Variants in KRT72 observed in about 807,000 individuals in gnomAD.
KRT72 encodes keratin, type II cytoskeletal 72.
A neutral mutation model predicts 44.7 loss-of-function variants in KRT72; 44 were observed. The ratio of observed to expected loss-of-function variants is 0.98; its 90% CI spans 0.77 to 1.27. The LOEUF (loss-of-function observed/expected upper bound fraction) is 1.27, where lower values mean the gene tolerates loss of function less well. Ranked by LOEUF, KRT72 falls within the 50% of genes most tolerant of loss-of-function variation. The pLI is 0.00. For missense variants in KRT72, 736 were observed against 667.1 expected (o/e 1.10, Z -1.14); for synonymous variants, 302 against 280.4 (o/e 1.08, Z -0.77).
At chr12:52,600,989 C>T (rs1363147127) in intron 1 of KRT72, 38 bp downstream of exon 1, 8 of 1,602,046 alleles carry the variant, frequency 5.0e-6, no homozygotes, top group Admixed American at 1.7e-5. Flanking sequence ...TGTGCACATG[C>T]GCCCAACGCA....
At chr12:52,599,488 G>C (rs936540727) in intron 1 of KRT72, 1 of 460,024 alleles carries the variant, frequency 2.2e-6, no homozygotes, top group Admixed American at 2.3e-5. Context: ...CATTTAGAGC[G>C]TTCCTCCTGT....
At position 52,587,837 on chromosome 12, in the gene KRT72, C is replaced by T. The variant is rs1471649993; in HGVS notation, c.1104G>A (p.Glu368=). The T allele has an allele frequency of 6.2e-7, 1 of 1,613,938 alleles. No individual in the cohort carries two copies. Among genetic ancestry groups the T allele is most frequent in the Non-Finnish European group, 8.5e-7 (1 of 1,179,980 alleles). Residue 368 remains glutamate, a synonymous_variant, in exon 7 of 9, where the codon GAG becomes GAA. Transcript: ENST00000293745. ...GCTGTTCAGCGTCGGCGATGGCCGT[C>T]TCCAGATCGGCACACTGAGGGGCAA... ...GNVKKQCADL[E]TAIADAEQRG... is the part of the protein sequence containing the mutation.
upstream of KRT72, among the ~76,000 whole-genome samples, chr12:52,602,039 CCT>C (rs1219470958): frequency 1.3e-5 from 2 of 152,202 alleles, no homozygotes; most frequent in East Asian, 3.9e-4. Context: ...TCTGCAGAGA[CCT>C]CTCAGTCTGT....
At position 52,591,522 on chromosome 12, in the gene KRT72, TG is replaced by T. The variant is rs759762067; in HGVS notation, c.904del (p.Gln302SerfsTer7). The T allele has an allele frequency of 3.1e-6, 5 of 1,614,018 alleles. No individual in the cohort carries two copies. The highest frequency in any genetic ancestry group is 4.2e-6 in the Non-Finnish European group (5 of 1,179,994). ...LDSIIAEVRA[Q>X]YEEIALKSKA... ...GCTCTTTAGGGCAATCTCCTCGTAC[TG>T]GGCACGGACCTCGGCAATGATGCTG... On this transcript the variant is annotated frameshift_variant, in exon 5 of 9. Transcript: ENST00000293745. LOFTEE classifies it high-confidence loss of function.
chr12:52,593,349 AG>A (rs1170470155), intron 2 of KRT72, among the ~76,000 whole-genome samples: 4 of 152,332 alleles, frequency 2.6e-5, no homozygotes, highest in South Asian at 2.1e-4. Context: ...ACCAAACAAA[AG>A]CACCATTCTC....
rs1179950655 is a variant in KRT72, at chr12:52,585,924, G to C, written c.*58C>G. On this transcript the variant is annotated 3_prime_UTR_variant, in exon 9 of 9. Coordinates refer to ENST00000293745, the MANE Select transcript of KRT72 (RefSeq NM_080747.3). ...CTTGGAAAGGGAGCCCAGGGAAGGA[G>C]AGGGAGGAGACGGGTGAGTTGGGAA... is the stretch of plus-strand genomic sequence containing the variant. 4 of 1,471,490 alleles carry C rather than the reference G, an allele frequency of 2.7e-6. No individual in the cohort carries two copies. Among genetic ancestry groups the C allele is most frequent in the Middle Eastern group, 2.3e-4 (1 of 4,340 alleles). 91.2% of individuals were successfully genotyped at this position (1,471,490 alleles called of 1,614,324 possible). A position where few individuals can be genotyped will look rare whatever the true frequency, so the allele number is the denominator to read the frequency against.
At position 52,597,835 on chromosome 12, in the gene KRT72, T is replaced by C. The variant is rs370142570; in HGVS notation, c.641+1063A>G. On this transcript the variant is annotated intron_variant, in intron 2 of 8. Coordinates refer to ENST00000293745, the MANE Select transcript of KRT72 (RefSeq NM_080747.3). ...AGTATCAGTATTTAGTTTTCATAAA[T>C]ACTAAAACTAAAGTTCACAGAGGAC... Among the ~76,000 whole-genome samples the C allele has an allele frequency of 2.6e-5, 4 of 152,216 alleles. No homozygotes were observed. The East Asian group carries it at 5.8e-4, about 22-fold the overall frequency.
chr12:52,593,110 G>A (rs973326478), intron 2 of KRT72, among the ~76,000 whole-genome samples, 158 bp from the exon 3 acceptor site: 2 of 152,192 alleles, frequency 1.3e-5, no homozygotes, highest in Non-Finnish European at 2.9e-5. Flanking sequence ...ATGCAGGCAA[G>A]GACATAGTTA....
At position 52,591,494 on chromosome 12, in the gene KRT72, C is replaced by T. The variant is rs1940019630; in HGVS notation, c.933G>A (p.Lys311=). 6.2e-7 allele frequency: 1 copy of T among 1,613,972 alleles called. No individual in the cohort carries two copies. Among genetic ancestry groups the T allele is most frequent in the Non-Finnish European group, 8.5e-7 (1 of 1,179,958 alleles). ...TCTGGTACAGGGTCTCAGCCTCGGC[C>T]TTGCTCTTTAGGGCAATCTCCTCGT... is the stretch of plus-strand genomic sequence containing the variant. The part of the protein sequence containing the change: ...AQYEEIALKS[K]AEAETLYQTK... The change falls in exon 5 of 9, where the codon AAG becomes AAA. Residue 311 remains lysine, a synonymous_variant. Transcript: ENST00000293745.
chr12:52,600,851 G>A (rs1397939535), intron 1 of KRT72, among the ~76,000 whole-genome samples, 176 bp downstream of exon 1: 1 of 152,082 alleles, frequency 6.6e-6, no homozygotes, highest in African/African-American at 2.4e-5. Flanking sequence ...TCCCAATTAA[G>A]CCTCATCGCA....
chr12:52,585,885 A>C lies in KRT72; in HGVS notation c.*97T>G. On this transcript the variant is annotated 3_prime_UTR_variant, in exon 9 of 9. Transcript: ENST00000293745. ...TGGGGTTGGGACTGTAGTGACAGAC[A>C]AAGCATTTCTTGACTTGGAAAGGGA... 3.5e-6 allele frequency: 4 copies of C among 1,138,952 alleles called. No individual in the cohort carries two copies. Among genetic ancestry groups the C allele is most frequent in the Non-Finnish European group, 1.3e-6 (1 of 779,176 alleles). 70.6% of individuals were successfully genotyped at this position (1,138,952 alleles called of 1,614,324 possible).
In KRT72 at chr12:52,592,432, T is replaced by C. The variant is rs757497302; in HGVS notation, c.762A>G (p.Thr254=). ...GGCACTTGAAGAATTTAATCTCATC[T>C]GTCAAGGAGTCCACCTTGGCCTGGA... ...VELQAKVDSL[T]DEIKFFKCLY... The change falls in exon 4 of 9, where the codon ACA becomes ACG. Residue 254 remains threonine (T), a synonymous_variant. Transcript: ENST00000293745. The C allele has an allele frequency of 1.9e-6, 3 of 1,613,880 alleles. No individual in the cohort carries two copies. The highest frequency in any genetic ancestry group is 2.7e-5 in the African/African-American group (2 of 74,942).
chr12:52,586,893 T>C, intron 8 of KRT72, 53 bp downstream of exon 8: 14 of 1,538,750 alleles, frequency 9.1e-6, no homozygotes, highest in Non-Finnish European at 1.3e-5. Context: ...TTAAAGGGAC[T>C]CGGACTTCTG....
rs1206714714 is a variant in KRT72 at position 52,601,252 on chromosome 12, G to A, written c.201C>T (p.Gly67=). Residue 67 remains glycine (G), a synonymous_variant, in exon 1 of 9, where the codon GGC becomes GGT. Transcript: ENST00000293745. ...CCACGAAGCCGCCCAGGCGGCCGCC[G>A]CCCCGCCGTGCAGCAGCGCTGAGCG... The part of the protein sequence containing the change: ...SLALSAAARR[G]GGRLGGFVGT... 5 of 1,564,146 alleles carry A rather than the reference G, an allele frequency of 3.2e-6. No individual in the cohort carries two copies. The highest frequency in any genetic ancestry group is 2.4e-5 in the East Asian group (1 of 42,246).
intron 4 of KRT72, among the ~76,000 whole-genome samples, 178 bp from the exon 5 acceptor site, chr12:52,591,806 C>CTGG (rs1940043506): frequency 6.6e-6 from 1 of 152,164 alleles, no homozygotes; most frequent in African/African-American, 2.4e-5. Context: ...CAGCCCCAAA[C>CTGG]GCTGAGACTC....
chr12:52,592,303 C>T, intron 4 of KRT72, 93 bp downstream of exon 4: 5 of 866,674 alleles, frequency 5.8e-6, no homozygotes, highest in Non-Finnish European at 9.6e-6. Context: ...CTTTCTCCCT[C>T]CCAATTCTTG....
At chr12:52,589,989 G>A (rs1007052976) in intron 6 of KRT72, among the ~76,000 whole-genome samples, 11 of 151,898 alleles carry the variant, frequency 7.2e-5, no homozygotes, top group African/African-American at 2.2e-4. Context: ...GGAGTAGTGC[G>A]TGTGTGTGTG....
intron 6 of KRT72, among the ~76,000 whole-genome samples, 189 bp from the exon 7 acceptor site, chr12:52,588,040 A>T (rs557108222): frequency 1.3e-5 from 2 of 152,314 alleles, no homozygotes; most frequent in Admixed American, 1.3e-4. Context: ...ACCCTGGCTC[A>T]TGCCTCTGCA....
intron 6 of KRT72, among the ~76,000 whole-genome samples, chr12:52,590,541 G>A (rs1269040775): frequency 1.3e-5 from 2 of 152,142 alleles, no homozygotes; most frequent in Non-Finnish European, 2.9e-5. Flanking sequence ...TCACTACCTA[G>A]GCCCATTGCT....
Sources: gnomAD v4.1 joint callset for allele counts (sites outside exome capture counted in the v4.1 genomes callset) on GRCh38, gnomAD v4.1.1 for gene constraint, MANE v1.5 for transcripts, NCBI Gene and HGNC (gene_info 2026-07-23, HGNC 2026-07-21) for gene names.